Variants in SEC24B observed in about 807,000 individuals in gnomAD.
SEC24B encodes the protein SEC24 homolog B, COPII component.
Under a neutral mutation model 142.8 loss-of-function variants are expected in SEC24B, and 45 were observed. That is an observed-to-expected ratio of 0.32 (90% CI 0.25 to 0.40). The LOEUF is 0.40. Among genes scored for constraint, SEC24B ranks in the 10% least tolerant of loss-of-function variants. The pLI, the probability that SEC24B is intolerant of heterozygous loss-of-function variation, is 1.00. For synonymous variants in SEC24B, 574 were observed against 568.2 expected (o/e 1.01, Z -0.15); for missense variants, 1,409 against 1,526.8 (o/e 0.92, Z 1.29).
At chr4:109,482,761 C>G (rs1362666623) in intron 4 of SEC24B, among the ~76,000 whole-genome samples, 1 of 150,258 alleles carries the variant, frequency 6.7e-6, no homozygotes, top group Non-Finnish European at 1.5e-5. Context: ...GTCTCAACTC[C>G]CACATAGCTG....
At chr4:109,534,850 A>AT (rs915214103) in intron 22 of SEC24B, among the ~76,000 whole-genome samples, 6 of 151,940 alleles carry the variant, frequency 3.9e-5, no homozygotes, top group African/African-American at 1.5e-4. Context: ...AATTAAAAAA[A>AT]TTTTTTTTCT....
chr4:109,437,560 G>A lies in SEC24B; in HGVS notation c.133+3558G>A, dbSNP rs183731321. On this transcript the variant is annotated intron_variant, in intron 1 of 23. Coordinates refer to ENST00000265175, the MANE Select transcript of SEC24B (RefSeq NM_006323.5). ...CTGGCTAGACCTACCAAAGTCTTGC[G>A]ATTATAGGTGTGAGCCACTGGGCTG... Among the ~76,000 whole-genome samples the A allele has an allele frequency of 2.3e-4, 35 of 152,288 alleles. 1 individual carries two copies. The East Asian group carries it at 6.0e-3, about 26-fold the overall frequency.
Position 109,508,322 on chromosome 4 carries a change from T to C in SEC24B, c.1674-1687T>C, listed in dbSNP as rs531271401. On this transcript the variant is annotated intron_variant, in intron 7 of 23. Transcript: ENST00000265175. ...GCTCACGGCTGTAATTCCAGCACTT[T>C]GGGAAGGCAAGGCAGGTGGATCGCT... Among the ~76,000 whole-genome samples, 7 of 152,268 alleles carry C rather than the reference T, an allele frequency of 4.6e-5. No individual in the cohort carries two copies. In the South Asian group the frequency reaches 1.5e-3, roughly 32 times the overall value.
rs1229744241 is a variant in SEC24B, at chr4:109,483,006, A to ATT, written c.1165+1226_1165+1227dup. Among the ~76,000 whole-genome samples, 26 of 116,062 alleles carry ATT rather than the reference A, an allele frequency of 2.2e-4. 2 individuals are homozygous for ATT. The highest frequency in any genetic ancestry group is 8.8e-4 in the African/African-American group (25 of 28,388). The allele number at this position is 116,062 out of a possible 152,430, so 76.1% of individuals were successfully genotyped here. ...CACACACACACACACACACACACAT[A>ATT]TTATACATATGTTTTTTATATATGT... On this transcript the variant is annotated intron_variant, in intron 4 of 23. Coordinates refer to ENST00000265175, the MANE Select transcript of SEC24B (RefSeq NM_006323.5).
intron 14 of SEC24B, 76 bp from the exon 15 acceptor site, chr4:109,524,742 C>T: frequency 7.1e-7 from 1 of 1,402,690 alleles, no homozygotes. Flanking sequence ...CAGAGGATAT[C>T]CTTTTTGTTA....
intron 9 of SEC24B, among the ~76,000 whole-genome samples, chr4:109,512,623 C>A (rs1374603222): frequency 6.6e-6 from 1 of 151,634 alleles, no homozygotes; most frequent in Non-Finnish European, 1.5e-5. Flanking sequence ...GATTTCAGAA[C>A]ATAAGTTTTT....
chr4:109,438,568 C>T (rs1728630582), intron 1 of SEC24B, among the ~76,000 whole-genome samples: 1 of 152,214 alleles, frequency 6.6e-6, no homozygotes, highest in Non-Finnish European at 1.5e-5. Flanking sequence ...GCTGGGATTA[C>T]AGGCATGAGC....
intron 4 of SEC24B, among the ~76,000 whole-genome samples, chr4:109,490,296 C>A (rs1034314224): frequency 6.7e-6 from 1 of 150,172 alleles, no homozygotes; most frequent in African/African-American, 2.5e-5. Context: ...AGCTATTATG[C>A]CCTGAGTCGG....
chr4:109,480,101 T>G (rs1356059474), intron 3 of SEC24B, among the ~76,000 whole-genome samples: 1 of 152,228 alleles, frequency 6.6e-6, no homozygotes, highest in East Asian at 1.9e-4. Context: ...AAAAGATGTT[T>G]CAGCAAAGCT....
rs769268829 is a variant in SEC24B, at chr4:109,494,587, G to T, written c.1247-28G>T. The T allele has an allele frequency of 1.7e-5, 28 of 1,612,258 alleles. No homozygotes were observed. In the South Asian group the frequency reaches 3.1e-4, roughly 18 times the overall value. On this transcript the variant is annotated intron_variant, in intron 5 of 23. Coordinates refer to ENST00000265175, the MANE Select transcript of SEC24B (RefSeq NM_006323.5). ...CTTTGTGGAGTCTTGATTTTCAGTT[G>T]TTAACACCATGTGTTTCCATTTTTT...
intron 4 of SEC24B, among the ~76,000 whole-genome samples, chr4:109,482,245 G>A (rs949418688): frequency 1.3e-5 from 2 of 152,174 alleles, no homozygotes; most frequent in East Asian, 1.9e-4. Flanking sequence ...GGCTTTTCTT[G>A]TCATGTATTT....
In SEC24B at chr4:109,473,177, C is replaced by A; in HGVS notation, c.1051C>A (p.Gln351Lys). Residue 351 changes from glutamine to lysine, a missense_variant, in exon 3 of 24, where the codon CAA (glutamine) becomes AAA (lysine). By Grantham distance (53) the Gln-to-Lys change is moderately conservative. This residue lies in a region of SEC24B where 709 missense variants were observed against 673.5 expected (regional missense o/e 1.05). Transcript: ENST00000265175. ...AGTTACACAGCCATCAGAGCTATTACAACAAAAAGGTATTTGAGATATTTA... is the reference window on the plus strand; with the variant it reads ...AGTTACACAGCCATCAGAGCTATTAAAACAAAAAGGTATTTGAGATATTTA... ...TSVTQPSELL[Q>K]QKGVQYGEYV... 6.4e-7 allele frequency: 1 copy of A among 1,563,118 alleles called. No homozygotes were observed. Among genetic ancestry groups the A allele is most frequent in the Non-Finnish European group, 8.7e-7 (1 of 1,155,566 alleles).
intron 1 of SEC24B, among the ~76,000 whole-genome samples, chr4:109,459,113 A>C (rs948440778): frequency 2.0e-5 from 3 of 152,172 alleles, no homozygotes; most frequent in African/African-American, 7.2e-5. Context: ...GTGTTGCTCT[A>C]CTCTTCGAAA....
intron 1 of SEC24B, among the ~76,000 whole-genome samples, chr4:109,455,985 A>G (rs1730628213): frequency 6.6e-6 from 1 of 152,226 alleles, no homozygotes; most frequent in Non-Finnish European, 1.5e-5. Flanking sequence ...AAGTTACATC[A>G]TAATATCAAG....
At chr4:109,475,694 C>T (rs1733037865) in intron 3 of SEC24B, among the ~76,000 whole-genome samples, 1 of 152,082 alleles carries the variant, frequency 6.6e-6, no homozygotes, top group African/African-American at 2.4e-5. Context: ...CAAATGTACC[C>T]TTTGGAATGA....
rs796951465 is a variant in SEC24B, at chr4:109,444,472, ATTT to A, written c.133+10489_133+10491del. 1.5e-3 allele frequency among the ~76,000 whole-genome samples: 187 copies of A among 128,242 alleles called. 1 individual carries two copies. The highest frequency in any genetic ancestry group is 3.3e-3 in the African/African-American group (119 of 35,612). The allele number at this position is 128,242 out of a possible 152,430, so 84.1% of individuals were successfully genotyped here. A position where few individuals can be genotyped will look rare whatever the true frequency, so the allele number is the denominator to read the frequency against. ...TCATATGCCCTAAAGAGATCCTGTG[ATTT>A]TTTTTTTTTTTTTTTTTTGGTACAG... On this transcript the variant is annotated intron_variant, in intron 1 of 23. Transcript: ENST00000265175.
chr4:109,538,466 G>A, intron 22 of SEC24B, 27 bp from the exon 23 acceptor site: 1 of 1,505,964 alleles, frequency 6.6e-7, no homozygotes, highest in Non-Finnish European at 9.2e-7. Context: ...AGAAAGGAAA[G>A]TTTCCTAATT....
chr4:109,532,554 C>T, intron 20 of SEC24B, 85 bp from the exon 21 acceptor site: 3 of 928,606 alleles, frequency 3.2e-6, no homozygotes, highest in Non-Finnish European at 5.1e-6. Context: ...TTTTCCAATG[C>T]TTCATAAAGG....
intron 18 of SEC24B, 77 bp from the exon 19 acceptor site, chr4:109,530,212 T>C: frequency 3.2e-6 from 4 of 1,255,076 alleles, no homozygotes; most frequent in South Asian, 2.0e-5. Context: ...TCTTAAATAA[T>C]GCGTATAAAT....
Sources: allele counts gnomAD v4.1 joint callset (sites outside exome capture counted in the v4.1 genomes callset), GRCh38; gene constraint gnomAD v4.1.1; regional missense constraint gnomAD v4.1.1; transcripts MANE v1.5; gene names NCBI Gene and HGNC (gene_info 2026-07-23, HGNC 2026-07-21).